The following EML6 variants were observed in gnomAD, a reference collection of about 807,000 sequenced individuals.
EML6 encodes the protein echinoderm microtubule-associated protein-like 6.
In EML6, 154 loss-of-function variants were observed where a neutral mutation model predicts 240.1. The observed-to-expected ratio is 0.64, with a 90% confidence interval of 0.56 to 0.73. The LOEUF is 0.73. Among genes scored for constraint, EML6 ranks in the 30% least tolerant of loss-of-function variants. EML6 has a pLI of 0.00. For missense variants in EML6, 2,964 were observed against 2,474.6 expected (o/e 1.20, Z -4.20); for synonymous variants, 1,148 against 899.0 (o/e 1.28, Z -4.95).
chr2:54,742,658 C>G (rs1224827393), intron 2 of EML6, among the ~76,000 whole-genome samples: 1 of 152,144 alleles, frequency 6.6e-6, no homozygotes, highest in Non-Finnish European at 1.5e-5. Flanking sequence ...CCAGTCACAC[C>G]TAGGTTTGAA....
chr2:54,941,011 T>G lies in EML6; in HGVS notation c.4005-7871T>G, dbSNP rs181746158. 2.1e-4 allele frequency among the ~76,000 whole-genome samples: 32 copies of G among 152,352 alleles called. No individual in the cohort carries two copies. The East Asian group carries it at 6.2e-3, about 29-fold the overall frequency. ...AAAACGGGAAGGATGTAGACAGGTT[T>G]CCTTCAGTCACCAAATCACCGTATA... On this transcript the variant is annotated intron_variant, in intron 28 of 41. Transcript: ENST00000356458.
intron 35 of EML6, among the ~76,000 whole-genome samples, chr2:54,961,239 C>T (rs79448739): frequency 0.019 from 2,286 of 119,236 alleles, 81 homozygotes; most frequent in African/African-American, 0.071. Flanking sequence ...AGGGGGAGTA[C>T]TGTGGCATGA....
chr2:54,910,090 T>C (rs1411508875), intron 24 of EML6, among the ~76,000 whole-genome samples: 1 of 152,194 alleles, frequency 6.6e-6, no homozygotes, highest in African/African-American at 2.4e-5. Context: ...TGAAATTTGC[T>C]TCAAAATAAT....
chr2:54,884,820 C>T (rs1672033663), intron 17 of EML6, among the ~76,000 whole-genome samples: 1 of 152,094 alleles, frequency 6.6e-6, no homozygotes, highest in African/African-American at 2.4e-5. Flanking sequence ...TTTTGGTTTT[C>T]TCTAGTCTCT....
chr2:54,968,361 C>T (rs985309982), intron 40 of EML6, 80 bp downstream of exon 40: 135 of 1,330,456 alleles, frequency 1.0e-4, no homozygotes, highest in Middle Eastern at 1.9e-4. Context: ...TCTAGATGGC[C>T]CTCTGGGAGA....
At chr2:54,756,446 G>A (rs1169157082) in intron 2 of EML6, among the ~76,000 whole-genome samples, 1 of 152,080 alleles carries the variant, frequency 6.6e-6, no homozygotes, top group Non-Finnish European at 1.5e-5. Context: ...ATGTGCTTAT[G>A]TTTTTATGTC....
intron 28 of EML6, among the ~76,000 whole-genome samples, chr2:54,933,835 C>G (rs1341867993): frequency 1.3e-5 from 2 of 152,186 alleles, no homozygotes; most frequent in Middle Eastern, 6.3e-3. Flanking sequence ...AAAGTCTCAG[C>G]CAGTTGCCAC....
intron 7 of EML6, among the ~76,000 whole-genome samples, chr2:54,841,579 G>A (rs1020130628): frequency 7.7e-6 from 1 of 130,510 alleles, no homozygotes; most frequent in Admixed American, 7.6e-5. Context: ...TTTAGTATTT[G>A]TCTTGGCTTT....
At chr2:54,908,711 G>A (rs1452684002) in intron 24 of EML6, among the ~76,000 whole-genome samples, 1 of 152,102 alleles carries the variant, frequency 6.6e-6, no homozygotes, top group Non-Finnish European at 1.5e-5. Flanking sequence ...ACATGGCCCA[G>A]CCTCGGCTGC....
At chr2:54,947,717 GGA>G (rs910878346) in intron 28 of EML6, among the ~76,000 whole-genome samples, 36 of 152,306 alleles carry the variant, frequency 2.4e-4, no homozygotes, top group Middle Eastern at 3.4e-3. Flanking sequence ...GTAAAGTCAC[GGA>G]GAGTGTGCGG....
At chr2:54,843,735 T>C (rs988786815) in intron 7 of EML6, among the ~76,000 whole-genome samples, 3 of 150,010 alleles carry the variant, frequency 2.0e-5, no homozygotes, top group Non-Finnish European at 4.4e-5. Flanking sequence ...CCCAGCTACT[T>C]GGGAGGCTGA....
chr2:54,796,816 T>C (rs749599477), intron 2 of EML6, among the ~76,000 whole-genome samples: 1 of 152,122 alleles, frequency 6.6e-6, no homozygotes, highest in East Asian at 1.9e-4. Flanking sequence ...CAGGCTATTA[T>C]AGAGGGTTAA....
intron 28 of EML6, among the ~76,000 whole-genome samples, chr2:54,932,307 G>C (rs549600816): frequency 6.6e-6 from 1 of 152,328 alleles, no homozygotes; most frequent in African/African-American, 2.4e-5. Flanking sequence ...GGGTGATCTT[G>C]CTGCTCAGCT....
chr2:54,842,996 A>G (rs746674252), intron 7 of EML6, among the ~76,000 whole-genome samples: 2 of 152,230 alleles, frequency 1.3e-5, no homozygotes, highest in African/African-American at 4.8e-5. Context: ...CGTAGGATAT[A>G]TCTAGATTCT....
chr2:54,789,533 A>T (rs1040400517), intron 2 of EML6, among the ~76,000 whole-genome samples: 2 of 143,948 alleles, frequency 1.4e-5, no homozygotes, highest in Non-Finnish European at 3.1e-5. Flanking sequence ...AAAAAAAAAA[A>T]AAAAAAAAAA....
At chr2:54,776,596 A>C (rs1221728147) in intron 2 of EML6, among the ~76,000 whole-genome samples, 1 of 151,806 alleles carries the variant, frequency 6.6e-6, no homozygotes, top group Non-Finnish European at 1.5e-5. Flanking sequence ...TTGTTGTTTC[A>C]TTTATGATCC....
intron 2 of EML6, among the ~76,000 whole-genome samples, chr2:54,806,774 A>G (rs1056756049): frequency 6.6e-6 from 1 of 152,102 alleles, no homozygotes; most frequent in African/African-American, 2.4e-5. Flanking sequence ...TTTAGGATTT[A>G]TTAAGTACTC....
chr2:54,772,815 G>A (rs182089601), intron 2 of EML6, among the ~76,000 whole-genome samples: 6 of 152,366 alleles, frequency 3.9e-5, no homozygotes, highest in Admixed American at 3.3e-4. Context: ...ACACAGGACT[G>A]TTAACAGCTG....
intron 2 of EML6, among the ~76,000 whole-genome samples, chr2:54,806,159 A>G (rs748554510): frequency 1.3e-5 from 2 of 152,128 alleles, no homozygotes; most frequent in African/African-American, 4.8e-5. Context: ...ATATATGTCT[A>G]TATTTTAGAT....
Sources: allele counts gnomAD v4.1 joint callset (sites outside exome capture counted in the v4.1 genomes callset), GRCh38; gene constraint gnomAD v4.1.1; transcripts MANE v1.5; gene names NCBI Gene and HGNC (gene_info 2026-07-23, HGNC 2026-07-21).